Variants in TTC16 observed in about 807,000 individuals in gnomAD.
The protein encoded by TTC16 is tetratricopeptide repeat domain 16.
TTC16 carries 66 observed loss-of-function variants against 80.4 expected under a neutral mutation model. That is an observed-to-expected ratio of 0.82 (90% CI 0.67 to 1.01). The LOEUF is 1.01. Ranked by LOEUF, TTC16 falls within the 50% of genes least tolerant of loss-of-function variation. The pLI, the probability that TTC16 is intolerant of heterozygous loss-of-function variation, is 0.00. For missense variants in TTC16, 1,070 were observed against 1,103.2 expected, an observed-to-expected ratio of 0.97 and a Z score of 0.43; for synonymous variants, 438 against 451.3, an observed-to-expected ratio of 0.97 and a Z score of 0.37.
rs527780041 is a variant in TTC16, at chr9:127,717,552, G to A, written c.283-77G>A. 7 of 1,585,750 alleles carry A rather than the reference G, an allele frequency of 4.4e-6. 1 individual carries two copies. In the South Asian group the frequency reaches 8.1e-5, roughly 18 times the overall value. On this transcript the variant is annotated intron_variant, in intron 3 of 13. Transcript: ENST00000373289. ...ATGGGAATTGGATGTCAACTCTCAG[G>A]GGGGTGGAGACTTTCCCCTACCCTC...
Position 127,716,085 on chromosome 9 carries a change from G to A in TTC16, c.-61G>A. 1.2e-6 allele frequency: 2 copies of A among 1,612,988 alleles called. No homozygotes were observed. The highest frequency in any genetic ancestry group is 1.7e-6 in the Non-Finnish European group (2 of 1,179,428). ...CGTCCTGGTGATGGTGCCTAGCAAC[G>A]TCAGGGCCAGGGCCGCGAGGTAGTT... On this transcript the variant is annotated 5_prime_UTR_variant, in exon 1 of 14. Transcript: ENST00000373289.
Position 127,731,452 on chromosome 9 carries a change from T to TGG in TTC16, c.*47_*48insGG. Reference sequence around the variant, plus strand: ...TTCTTGCTGGGGAGGGGACGAGTTCTACCCACCTCCCCACACTGGCACTCA... The same window carrying TGG: ...TTCTTGCTGGGGAGGGGACGAGTTCTGGACCCACCTCCCCACACTGGCACTCA... On this transcript the variant is annotated 3_prime_UTR_variant, in exon 14 of 14. Coordinates refer to ENST00000373289, the MANE Select transcript of TTC16 (RefSeq NM_144965.3). 6.4e-7 allele frequency: 1 copy of TGG among 1,559,330 alleles called. No individual in the cohort carries two copies. The highest frequency in any genetic ancestry group is 8.7e-7 in the Non-Finnish European group (1 of 1,152,186).
chr9:127,723,111 T>C lies in TTC16; in HGVS notation c.658-8T>C, dbSNP rs1308620943. The C allele has an allele frequency of 6.2e-7, 1 of 1,608,762 alleles. No homozygotes were observed. Among genetic ancestry groups the C allele is most frequent in the African/African-American group, 1.3e-5 (1 of 74,892 alleles). On this transcript the variant is annotated splice_polypyrimidine_tract_variant and splice_region_variant and intron_variant, in intron 6 of 13. Coordinates refer to ENST00000373289, the MANE Select transcript of TTC16 (RefSeq NM_144965.3). ...TGTGCCCCTGATGCCACCCATGGCC[T>C]CCTGCAGCCCCACCTCTGCTACCGG...
rs954273410 is a variant in TTC16, at chr9:127,716,652, G to C, written c.19-192G>C. 1.5e-5 allele frequency: 10 copies of C among 664,088 alleles called. No homozygotes were observed. In the African/African-American group the frequency reaches 1.8e-4, roughly 12 times the overall value. 41.1% of individuals were successfully genotyped at this position (664,088 alleles called of 1,614,324 possible). A position where few individuals can be genotyped will look rare whatever the true frequency, so the allele number is the denominator to read the frequency against. ...GACCACAGGAGAGGGAGAAGGGCAGGACTGCAGAGGGACAGGTTGGAGCGT... is the reference window on the plus strand; with the variant it reads ...GACCACAGGAGAGGGAGAAGGGCAGCACTGCAGAGGGACAGGTTGGAGCGT... On this transcript the variant is annotated intron_variant, in intron 1 of 13. Transcript: ENST00000373289.
Position 127,727,388 on chromosome 9 carries a change from C to G in TTC16, c.1687C>G (p.Gln563Glu). The G allele has an allele frequency of 1.2e-6, 2 of 1,611,368 alleles. No homozygotes were observed. The highest frequency in any genetic ancestry group is 8.5e-7 in the Non-Finnish European group (1 of 1,179,184). ...GCTGAAGGCCACCCCTGAGATTCCG[C>G]AGGTAAAACCGGGAAGCTCAGAGGG... ...EELKATPEIP[Q>E]VKPGSSEGEA... Residue 563 changes from glutamine (Q) to glutamate (E), a missense_variant, in exon 12 of 14, where the codon CAG becomes GAG. Gln to Glu is a conservative substitution (Grantham distance 29). Transcript: ENST00000373289.
In TTC16 at chr9:127,730,839, G is replaced by A. The variant is rs568432476; in HGVS notation, c.2056G>A (p.Glu686Lys). ...CCAGAGGCAGAGCCTTAGCAAGACT[G>A]AGCCCACCCAGAGCCAGAGGCGGAA... is the stretch of plus-strand genomic sequence containing the variant. ...QGQRQSLSKTEPTQSQRRNSS... is the reference protein window; with the variant it reads ...QGQRQSLSKTKPTQSQRRNSS... Residue 686 changes from glutamate to lysine, a missense_variant, in exon 14 of 14, where the codon GAG becomes AAG. Glu to Lys is a moderately conservative substitution (Grantham distance 56). Coordinates refer to ENST00000373289, the MANE Select transcript of TTC16 (RefSeq NM_144965.3). 2.7e-5 allele frequency: 44 copies of A among 1,610,772 alleles called. 2 individuals are homozygous for A. Among genetic ancestry groups the A allele is most frequent in the African/African-American group, 2.7e-4 (20 of 73,834 alleles).
At position 127,718,505 on chromosome 9, in the gene TTC16, A is replaced by T. The variant is rs998302060; in HGVS notation, c.426+733A>T. On this transcript the variant is annotated intron_variant, in intron 4 of 13. Coordinates refer to ENST00000373289, the MANE Select transcript of TTC16 (RefSeq NM_144965.3). This position sits in a 1 kb window ranked among gnomAD's most constrained non-coding sequence, Gnocchi z 4.6. ...AGGCTCTAAGCACTAAAAAGGTCAC[A>T]GTGACCCCTAAGTGTATTTCAAAGG... Among the ~76,000 whole-genome samples the T allele has an allele frequency of 6.6e-6, 1 of 152,250 alleles. No individual in the cohort carries two copies. Among genetic ancestry groups the T allele is most frequent in the African/African-American group, 2.4e-5 (1 of 41,468 alleles).
rs778246168 is a variant in TTC16, at chr9:127,716,149, A to G, written c.4A>G (p.Thr2Ala). 3.1e-6 allele frequency: 5 copies of G among 1,613,970 alleles called. No individual in the cohort carries two copies. The highest frequency in any genetic ancestry group is 4.2e-6 in the Non-Finnish European group (5 of 1,180,018). The change falls in exon 1 of 14, where the codon ACA becomes GCA. Residue 2 changes from threonine to alanine, a missense_variant. Coordinates refer to ENST00000373289, the MANE Select transcript of TTC16 (RefSeq NM_144965.3). The part of the protein sequence containing the change: M[T>A]DSDEDALKVD... ...GGGTCCTCCTGGAAGGGGCCTCATG[A>G]CAGATTCGGACGAGGTGCGGGCTTG...
rs981744976 is a variant in TTC16, at chr9:127,720,523, G to A, written c.657+128G>A. The A allele has an allele frequency of 1.6e-5, 20 of 1,246,386 alleles. No individual in the cohort carries two copies. In the African/African-American group the frequency reaches 2.2e-4, roughly 14 times the overall value. The allele number at this position is 1,246,386 out of a possible 1,614,324, so 77.2% of individuals were successfully genotyped here. A position where few individuals can be genotyped will look rare whatever the true frequency, so the allele number is the denominator to read the frequency against. Reference sequence around the variant, plus strand: ...CCCATCCCACAGTGCAGTGGGTGCTGTCCTCCCTGGGAAGAGGCCCACACT... The same window carrying A: ...CCCATCCCACAGTGCAGTGGGTGCTATCCTCCCTGGGAAGAGGCCCACACT... On this transcript the variant is annotated intron_variant, in intron 6 of 13. Transcript: ENST00000373289.
intron 2 of TTC16, 131 bp from the exon 3 acceptor site, chr9:127,717,203 C>T (rs1415088286): frequency 1.7e-6 from 2 of 1,176,082 alleles, no homozygotes; most frequent in African/African-American, 1.5e-5. Flanking sequence ...CCTGCCCTCC[C>T]TGGGCTTCTG....
Position 127,716,967 on chromosome 9 carries a change from G to A in TTC16, c.142G>A (p.Val48Ile). ...CCACGTGTTCCAAAGCATCTGTGATGTAAAACCAAAGGTCACAGGGTTAAC... is the reference window on the plus strand; with the variant it reads ...CCACGTGTTCCAAAGCATCTGTGATATAAAACCAAAGGTCACAGGGTTAAC... The part of the protein sequence containing the change: ...TSHVFQSICD[V>I]KPKVTGLTVP... The change falls in exon 2 of 14, where the codon GTA becomes ATA. Residue 48 changes from valine to isoleucine, a missense_variant. Val to Ile is a conservative substitution (Grantham distance 29). Transcript: ENST00000373289. 6.2e-7 allele frequency: 1 copy of A among 1,614,192 alleles called. No individual in the cohort carries two copies. Among genetic ancestry groups the A allele is most frequent in the East Asian group, 2.2e-5 (1 of 44,886 alleles).
At position 127,731,181 on chromosome 9, in the gene TTC16, C is replaced by T. The variant is rs765890755; in HGVS notation, c.2398C>T (p.Arg800Ter). ...ATQGRSRGLL[R>*]SSTKTEAFYD... is the part of the protein sequence containing the mutation. ...CCAGGGCCGAAGCAGGGGACTGCTC[C>T]GAAGTTCCACCAAGACTGAGGCTTT... The change falls in exon 14 of 14, where the codon CGA (arginine) becomes TGA (stop). Residue 800 changes from arginine to a stop codon, truncating the protein, a stop_gained. Transcript: ENST00000373289. LOFTEE classifies it low-confidence loss of function (END_TRUNC). 70 of 1,612,684 alleles carry T rather than the reference C, an allele frequency of 4.3e-5. 1 individual carries two copies. The Middle Eastern group carries it at 4.9e-4, about 11-fold the overall frequency.
At chr9:127,717,601 C>T (rs1302954060) in intron 3 of TTC16, 28 bp from the exon 4 acceptor site, 1 of 1,610,178 alleles carries the variant, frequency 6.2e-7, no homozygotes, top group East Asian at 2.2e-5. Context: ...TGGGGAGGAT[C>T]TAGCAGCCTG....
chr9:127,730,707 G>A lies in TTC16; in HGVS notation c.1924G>A (p.Ala642Thr), dbSNP rs199635802. Residue 642 changes from alanine (A) to threonine (T), a missense_variant, in exon 14 of 14, where the codon GCC becomes ACC. By Grantham distance (58) the Ala-to-Thr change is moderately conservative (BLOSUM62 0). Coordinates refer to ENST00000373289, the MANE Select transcript of TTC16 (RefSeq NM_144965.3). ...CQEYRSTSAT[A>T]VTFSDSSLLK... Reference sequence around the variant, plus strand: ...GGAATACAGGAGCACCTCAGCCACCGCCGTGACATTCTCTGACTCGTCACT... The same window carrying A: ...GGAATACAGGAGCACCTCAGCCACCACCGTGACATTCTCTGACTCGTCACT... 1.7e-5 allele frequency: 27 copies of A among 1,613,464 alleles called. No homozygotes were observed. Among genetic ancestry groups the A allele is most frequent in the African/African-American group, 1.5e-4 (11 of 75,062 alleles).
intron 12 of TTC16, 79 bp from the exon 13 acceptor site, chr9:127,729,502 C>T: frequency 8.2e-7 from 1 of 1,218,712 alleles, no homozygotes; most frequent in Non-Finnish European, 1.2e-6. Context: ...ACCGAGGGGC[C>T]CAGGGCTGCT....
Position 127,717,322 on chromosome 9 carries a change from C to T in TTC16, c.192-12C>T. On this transcript the variant is annotated splice_polypyrimidine_tract_variant and intron_variant, in intron 2 of 13. Coordinates refer to ENST00000373289, the MANE Select transcript of TTC16 (RefSeq NM_144965.3). ...AGGGCCACCCCTCTGCCTGTCCCCA[C>T]TTTCCCCACAGCTACTCCAGAGGCC... 2 of 1,607,738 alleles carry T rather than the reference C, an allele frequency of 1.2e-6. No homozygotes were observed. Among genetic ancestry groups the T allele is most frequent in the East Asian group, 4.5e-5 (2 of 44,884 alleles).
Position 127,720,072 on chromosome 9 carries a change from C to T in TTC16, c.427-6C>T. ...AAGCAGAATTGACTGTCCCCTGTGT[C>T]CCCAGGGACAATGCCTTTTTGAGCA... On this transcript the variant is annotated splice_region_variant and splice_polypyrimidine_tract_variant and intron_variant, in intron 4 of 13. Coordinates refer to ENST00000373289, the MANE Select transcript of TTC16 (RefSeq NM_144965.3). The T allele has an allele frequency of 1.9e-6, 3 of 1,613,508 alleles. No individual in the cohort carries two copies. The highest frequency in any genetic ancestry group is 2.5e-6 in the Non-Finnish European group (3 of 1,179,756).
At position 127,716,918 on chromosome 9, in the gene TTC16, C is replaced by T; in HGVS notation, c.93C>T (p.Ile31=). ...GGGTGATTCCAGCCCCCAAAGGGAT[C>T]CTGCAGCACATCTTTGGGACCAGCC... ...KPWVIPAPKG[I]LQHIFGTSHV... The change falls in exon 2 of 14, where the codon ATC becomes ATT. Residue 31 remains isoleucine (I), a synonymous_variant. Coordinates refer to ENST00000373289, the MANE Select transcript of TTC16 (RefSeq NM_144965.3). 1 of 1,614,126 alleles carries T rather than the reference C, an allele frequency of 6.2e-7. No individual in the cohort carries two copies. The highest frequency in any genetic ancestry group is 8.5e-7 in the Non-Finnish European group (1 of 1,180,010).
intron 1 of TTC16, chr9:127,716,590 C>T (rs1028161985): frequency 3.5e-6 from 2 of 566,750 alleles, no homozygotes; most frequent in African/African-American, 1.9e-5. Context: ...GGAGAACAGA[C>T]GGTGTTGTAA....
Sources: allele counts gnomAD v4.1 joint callset (sites outside exome capture counted in the v4.1 genomes callset), GRCh38; gene constraint gnomAD v4.1.1; non-coding constraint Gnocchi (gnomAD v3.1); transcripts MANE v1.5; gene names NCBI Gene and HGNC (gene_info 2026-07-23, HGNC 2026-07-21).